Variants in FUT9 observed in about 807,000 individuals in gnomAD.
The protein encoded by FUT9 is fucosyltransferase 9, also known as 4-galactosyl-N-acetylglucosaminide 3-alpha-L-fucosyltransferase 9.
In FUT9, 15 loss-of-function variants were observed where a neutral mutation model predicts 29.7. The observed-to-expected ratio is 0.51, with a 90% CI of 0.34 to 0.78. FUT9 has a LOEUF of 0.78. Among genes scored for constraint, FUT9 ranks in the 30% least tolerant of loss-of-function variants. FUT9 has a pLI of 0.01. For missense variants in FUT9, 319 were observed against 425.4 expected (o/e 0.75, Z 2.20); for synonymous variants, 169 against 153.7 (o/e 1.10, Z -0.74).
intron 1 of FUT9, among the ~76,000 whole-genome samples, chr6:96,109,790 C>G (rs926450626): frequency 6.6e-6 from 1 of 152,062 alleles, no homozygotes; most frequent in Admixed American, 6.6e-5. Context: ...ATGCTAGTTC[C>G]AAGCCAAAAC....
At chr6:96,090,574 A>G (rs6909020) in intron 1 of FUT9, among the ~76,000 whole-genome samples, 37,652 of 151,766 alleles carry the variant, frequency 0.25, 5,033 homozygotes, top group South Asian at 0.43. Flanking sequence ...CATCAAGACA[A>G]AAACTGATGC....
At chr6:96,163,306 G>A (rs1772948392) in intron 2 of FUT9, among the ~76,000 whole-genome samples, 1 of 144,760 alleles carries the variant, frequency 6.9e-6, no homozygotes. Context: ...GAAAACGAGA[G>A]TCTTGCTATG....
chr6:96,129,459 A>C (rs1262339899), intron 2 of FUT9, among the ~76,000 whole-genome samples: 1 of 152,056 alleles, frequency 6.6e-6, no homozygotes, highest in East Asian at 1.9e-4. Context: ...CTGTCTCAAA[A>C]AATAAAAATA....
intron 1 of FUT9, among the ~76,000 whole-genome samples, chr6:96,084,440 A>AAT (rs1476792808): frequency 1.3e-5 from 2 of 152,092 alleles, no homozygotes; most frequent in Non-Finnish European, 2.9e-5. Context: ...GTCAATTACA[A>AAT]ATATATATCT....
intron 1 of FUT9, among the ~76,000 whole-genome samples, chr6:96,091,743 A>G (rs932884810): frequency 4.6e-5 from 7 of 152,106 alleles, no homozygotes; most frequent in African/African-American, 1.7e-4. Flanking sequence ...AAGGGTTTGT[A>G]GGTGATCTTT....
chr6:96,190,727 A>G (rs1773490666), intron 2 of FUT9, among the ~76,000 whole-genome samples: 1 of 152,190 alleles, frequency 6.6e-6, no homozygotes, highest in South Asian at 2.1e-4. Flanking sequence ...CATGCATCAC[A>G]TAATTCTTGT....
intron 2 of FUT9, among the ~76,000 whole-genome samples, chr6:96,202,545 G>A (rs893079328): frequency 6.6e-6 from 1 of 152,098 alleles, no homozygotes; most frequent in African/African-American, 2.4e-5. Flanking sequence ...AAATTTGCCT[G>A]AGTGTACTTG....
Position 96,125,049 on chromosome 6 carries a change from G to A in FUT9, c.-9+10922G>A, listed in dbSNP as rs1025324545. Among the ~76,000 whole-genome samples, 16 of 152,262 alleles carry A rather than the reference G, an allele frequency of 1.1e-4. 1 individual carries two copies. The South Asian group carries it at 2.7e-3, about 26-fold the overall frequency. The stretch of plus-strand genomic sequence containing the variant: ...CTCCTATTTTTACCATTTGCTGGCT[G>A]ATGTAATCTTACATGAGTAATTTAA... On this transcript the variant is annotated intron_variant, in intron 2 of 2. Transcript: ENST00000302103.
At chr6:96,051,910 G>A (rs1278453250) in intron 1 of FUT9, among the ~76,000 whole-genome samples, 1 of 152,104 alleles carries the variant, frequency 6.6e-6, no homozygotes, top group Non-Finnish European at 1.5e-5. Flanking sequence ...CTCTGAAAAA[G>A]GACTGCTGGT....
At chr6:96,192,626 T>C (rs368225215) in intron 2 of FUT9, among the ~76,000 whole-genome samples, 1 of 152,042 alleles carries the variant, frequency 6.6e-6, no homozygotes, top group African/African-American at 2.4e-5. Context: ...GGCCATACTG[T>C]CCAAGGTAAT....
rs561170196 is a variant in FUT9 at position 96,133,606 on chromosome 6, C to A, written c.-9+19479C>A. 1.3e-3 allele frequency among the ~76,000 whole-genome samples: 192 copies of A among 152,024 alleles called. 1 individual carries two copies. In the Middle Eastern group the frequency reaches 0.034, roughly 27 times the overall value. Reference sequence around the variant, plus strand: ...TGAAACTACCCTCTGTCTCCTCAGGCAGTTAATTAAATTAAGGTGTGTAAT... The same window carrying A: ...TGAAACTACCCTCTGTCTCCTCAGGAAGTTAATTAAATTAAGGTGTGTAAT... On this transcript the variant is annotated intron_variant, in intron 2 of 2. Coordinates refer to ENST00000302103, the MANE Select transcript of FUT9 (RefSeq NM_006581.4).
intron 2 of FUT9, among the ~76,000 whole-genome samples, chr6:96,125,837 T>G (rs1772123770): frequency 6.6e-6 from 1 of 152,220 alleles, no homozygotes; most frequent in African/African-American, 2.4e-5. Flanking sequence ...TAGAGCTAGA[T>G]CCTGCCTTCG....
intron 2 of FUT9, among the ~76,000 whole-genome samples, chr6:96,185,394 G>A (rs1363490007): frequency 6.6e-6 from 1 of 152,046 alleles, no homozygotes; most frequent in Non-Finnish European, 1.5e-5. Context: ...GTAGGATTTA[G>A]GCAGTTGAAG....
intron 2 of FUT9, among the ~76,000 whole-genome samples, chr6:96,148,109 GCTTT>G (rs1772607594): frequency 6.6e-6 from 1 of 151,974 alleles, no homozygotes; most frequent in African/African-American, 2.4e-5. Context: ...CCTTAAAAAC[GCTTT>G]CTAACACACC....
intron 2 of FUT9, among the ~76,000 whole-genome samples, chr6:96,147,634 A>G (rs930735482): frequency 6.6e-6 from 1 of 152,118 alleles, no homozygotes; most frequent in African/African-American, 2.4e-5. Flanking sequence ...TCTTCTTCAT[A>G]TATCTAGAAG....
chr6:96,175,780 T>G (rs1377706995), intron 2 of FUT9, among the ~76,000 whole-genome samples: 1 of 152,184 alleles, frequency 6.6e-6, no homozygotes, highest in Non-Finnish European at 1.5e-5. Context: ...GGCCATTCAG[T>G]CTGTAATGGT....
chr6:96,036,617 A>G (rs1582184854), intron 1 of FUT9: 1 of 151,954 alleles, frequency 6.6e-6, no homozygotes, highest in African/African-American at 2.4e-5. Context: ...CAAATATAAC[A>G]TAATGTAAAT....
rs1003138900 is a variant in FUT9, at chr6:96,207,105, C to A, written c.*2870C>A. The A allele has an allele frequency of 6.0e-6, 1 of 166,882 alleles. No individual in the cohort carries two copies. Among genetic ancestry groups the A allele is most frequent in the African/African-American group, 2.4e-5 (1 of 41,530 alleles). The allele number at this position is 166,882 out of a possible 1,614,324, so 10.3% of individuals were successfully genotyped here. ...GTCCATTGATGTGTGAGTTTTAGAG[C>A]TGGAAGGAATTATAATTTTGTTGTT... On this transcript the variant is annotated 3_prime_UTR_variant, in exon 3 of 3. Coordinates refer to ENST00000302103, the MANE Select transcript of FUT9 (RefSeq NM_006581.4).
At chr6:96,104,884 A>G (rs1437705869) in intron 1 of FUT9, among the ~76,000 whole-genome samples, 2 of 152,220 alleles carry the variant, frequency 1.3e-5, no homozygotes, top group African/African-American at 4.8e-5. Context: ...AGGCAGGTAC[A>G]GATTTTTTGG....
Sources: allele counts gnomAD v4.1 joint callset (sites outside exome capture counted in the v4.1 genomes callset), GRCh38; gene constraint gnomAD v4.1.1; transcripts MANE v1.5; gene names NCBI Gene and HGNC (gene_info 2026-07-23, HGNC 2026-07-21).